ZFHX3: variants seen among roughly 807,000 people sequenced by gnomAD.
The protein encoded by ZFHX3 is zinc finger homeobox protein 3.
ZFHX3 carries 42 observed loss-of-function variants against 279.1 expected under a neutral mutation model. That is an observed-to-expected ratio of 0.15 (90% CI 0.12 to 0.19). The LOEUF (loss-of-function observed/expected upper bound fraction) is 0.19, where lower values mean the gene tolerates loss of function less well. Among genes scored for constraint, ZFHX3 ranks in the 10% least tolerant of loss-of-function variants. ZFHX3 has a pLI of 1.00. For synonymous variants in ZFHX3, 2,293 were observed against 1,957.8 expected, an observed-to-expected ratio of 1.17 and a Z score of -4.52; for missense variants, 4,981 against 4,754.0, an observed-to-expected ratio of 1.05 and a Z score of -1.40.
chr16:72,895,994 G>A (rs192548417), intron 3 of ZFHX3, among the ~76,000 whole-genome samples: 20 of 152,314 alleles, frequency 1.3e-4, no homozygotes, highest in Admixed American at 7.8e-4. Flanking sequence ...ATCTATGCTT[G>A]GCAATTGAAT....
chr16:73,184,634 G>A (rs141149900), intron 5 of ZFHX3, among the ~76,000 whole-genome samples: 4 of 152,192 alleles, frequency 2.6e-5, no homozygotes, highest in South Asian at 4.2e-4. Context: ...CTAGCATTCC[G>A]GCCACCCCAG....
At chr16:72,961,934 A>G (rs1187922992) in intron 1 of ZFHX3, among the ~76,000 whole-genome samples, 1 of 151,110 alleles carries the variant, frequency 6.6e-6, no homozygotes, top group Non-Finnish European at 1.5e-5. Flanking sequence ...CAAACCAAAC[A>G]GCAAACGCAA....
chr16:73,285,761 G>C (rs1042064468), intron 4 of ZFHX3, among the ~76,000 whole-genome samples: 1 of 152,148 alleles, frequency 6.6e-6, no homozygotes, highest in Admixed American at 6.5e-5. Flanking sequence ...GGATACAGCA[G>C]GCTCTGGGGA....
chr16:73,585,519 G>T (rs777289640), intron 2 of ZFHX3, among the ~76,000 whole-genome samples: 4 of 152,152 alleles, frequency 2.6e-5, no homozygotes, highest in Admixed American at 6.5e-5. Context: ...TTGGTGATGG[G>T]TTGATAGGTG....
At chr16:73,605,329 C>T (rs185665485) in intron 2 of ZFHX3, among the ~76,000 whole-genome samples, 83 of 152,306 alleles carry the variant, frequency 5.4e-4, no homozygotes, top group Middle Eastern at 6.8e-3. Flanking sequence ...AGCATTTTCC[C>T]TTTTAGGATA....
At chr16:73,398,321 G>C (rs1448251896) in intron 3 of ZFHX3, among the ~76,000 whole-genome samples, 1 of 152,150 alleles carries the variant, frequency 6.6e-6, no homozygotes, top group Non-Finnish European at 1.5e-5. Flanking sequence ...GAGAAGACCA[G>C]GGAAAAAGTG....
chr16:73,804,959 AGAGG>A (rs1224594144), intron 1 of ZFHX3, among the ~76,000 whole-genome samples: 12 of 133,842 alleles, frequency 9.0e-5, no homozygotes, highest in Non-Finnish European at 1.7e-4. Context: ...AGGGAGGGAG[AGAGG>A]GAGGGAGGGA....
chr16:72,787,311 C>T lies in ZFHX3; in HGVS notation c.10965G>A (p.Met3655Ile). The change falls in exon 10 of 10, where the codon ATG becomes ATA. Residue 3655 changes from methionine (M) to isoleucine (I), a missense_variant. Met to Ile is a conservative substitution (Grantham distance 10). Coordinates refer to ENST00000268489, the MANE Select transcript of ZFHX3 (RefSeq NM_006885.4). ...ACTCCTCCGAATAGTCGTCTGTTGG[C>T]ATCGAGGGCTGAACCCCTGAGGTGC... ...SCSTSGVQPS[M>I]PTDDYSEESD... The T allele has an allele frequency of 6.2e-7, 1 of 1,613,998 alleles. No homozygotes were observed. The highest frequency in any genetic ancestry group is 8.5e-7 in the Non-Finnish European group (1 of 1,179,990).
intron 7 of ZFHX3, among the ~76,000 whole-genome samples, chr16:72,804,781 C>T (rs12929452): frequency 0.22 from 33,504 of 151,948 alleles, 4,718 homozygotes; most frequent in Non-Finnish European, 0.33. Flanking sequence ...CTGCCACTTA[C>T]GCCAATCCCT....
chr16:73,801,523 A>C, intron 1 of ZFHX3, among the ~76,000 whole-genome samples: 1 of 152,200 alleles, frequency 6.6e-6, no homozygotes, highest in East Asian at 1.9e-4. Flanking sequence ...TAGATCAAAA[A>C]ATCAGGGCAT....
At chr16:73,836,173 G>C (rs1961140161) in intron 1 of ZFHX3, among the ~76,000 whole-genome samples, 1 of 152,144 alleles carries the variant, frequency 6.6e-6, no homozygotes, top group South Asian at 2.1e-4. Context: ...GTGTCCCCAG[G>C]TAAACTTAGG....
intron 5 of ZFHX3, among the ~76,000 whole-genome samples, chr16:73,221,612 A>T (rs553229905): frequency 6.6e-6 from 1 of 152,306 alleles, no homozygotes; most frequent in South Asian, 2.1e-4. Context: ...ATCGAAAAAA[A>T]AATGTATGGG....
intron 1 of ZFHX3, among the ~76,000 whole-genome samples, chr16:73,818,360 A>C (rs1212042460): frequency 6.6e-6 from 1 of 152,206 alleles, no homozygotes; most frequent in Non-Finnish European, 1.5e-5. Context: ...TTTTCATCAG[A>C]TTGGCTGACA....
intron 3 of ZFHX3, among the ~76,000 whole-genome samples, chr16:72,922,355 C>G (rs952284650): frequency 3.3e-5 from 5 of 152,182 alleles, no homozygotes; most frequent in Admixed American, 3.3e-4. Context: ...GCCCCCCTGT[C>G]CCAGACAAAC....
chr16:73,239,690 A>G (rs979779416), intron 5 of ZFHX3, among the ~76,000 whole-genome samples: 1 of 152,164 alleles, frequency 6.6e-6, no homozygotes. Context: ...ATCACAGAAG[A>G]AGGAACGGGG....
At chr16:73,333,810 A>C (rs2015854133) in intron 3 of ZFHX3, among the ~76,000 whole-genome samples, 1 of 149,726 alleles carries the variant, frequency 6.7e-6, no homozygotes, top group Admixed American at 6.6e-5. Context: ...GAGACCAAAA[A>C]AAAAAAAAAA....
rs1446350404 is a variant in ZFHX3 at position 73,529,230 on chromosome 16, T to TGGCTGCTGAG, written c.-1546-72973_-1546-72972insCTCAGCAGCC. 5.9e-5 allele frequency among the ~76,000 whole-genome samples: 9 copies of TGGCTGCTGAG among 152,216 alleles called. No individual in the cohort carries two copies. In the East Asian group the frequency reaches 1.7e-3, roughly 29 times the overall value. On this transcript the variant is annotated intron_variant, in intron 2 of 17. Coordinates refer to the ZFHX3 transcript ENST00000641206. ...GTATGTTTGTGATAATTTTGCCCAG[T>TGGCTGCTGAG]GGACCGAGTGGCTGCTGAGGGAAAA...
chr16:73,759,365 T>C (rs755699232), intron 1 of ZFHX3, among the ~76,000 whole-genome samples: 3 of 152,164 alleles, frequency 2.0e-5, no homozygotes, highest in Non-Finnish European at 4.4e-5. Flanking sequence ...TTTAAGGACA[T>C]GACCTGGAAG....
intron 1 of ZFHX3, among the ~76,000 whole-genome samples, chr16:73,726,743 T>G (rs2142243867): frequency 6.6e-6 from 1 of 152,242 alleles, no homozygotes; most frequent in East Asian, 1.9e-4. Flanking sequence ...CAACCAGATC[T>G]TGTGGGAAAT....
Sources: gnomAD v4.1 joint callset for allele counts (sites outside exome capture counted in the v4.1 genomes callset) on GRCh38, gnomAD v4.1.1 for gene constraint, MANE v1.5 for transcripts, NCBI Gene and HGNC (gene_info 2026-07-23, HGNC 2026-07-21) for gene names.